Variants in R3HDM1 observed in about 807,000 individuals in gnomAD.
The protein encoded by R3HDM1 is R3H domain containing 1, also known as R3H domain-containing protein 1.
A neutral mutation model predicts 141.1 loss-of-function variants in R3HDM1; 46 were observed. The ratio of observed to expected loss-of-function variants is 0.33; its 90% CI spans 0.26 to 0.42. The LOEUF (loss-of-function observed/expected upper bound fraction) is 0.42, where lower values mean the gene tolerates loss of function less well. R3HDM1 is among the 10% of genes least tolerant of loss of function. R3HDM1 has a pLI of 1.00. For missense variants in R3HDM1, 1,184 were observed against 1,368.3 expected (o/e 0.87, Z 2.12); for synonymous variants, 435 against 472.9 (o/e 0.92, Z 1.04).
intron 21 of R3HDM1, among the ~76,000 whole-genome samples, chr2:135,699,342 TTGTA>T (rs1439591920): frequency 6.6e-6 from 1 of 152,164 alleles, no homozygotes; most frequent in Non-Finnish European, 1.5e-5. Flanking sequence ...ATGCATGTGT[TTGTA>T]TGCTGAAGGG....
At chr2:135,616,530 A>C (rs956600745) in intron 4 of R3HDM1, 138 bp from the exon 5 acceptor site, 2 of 695,374 alleles carry the variant, frequency 2.9e-6, no homozygotes, top group African/African-American at 3.6e-5. Flanking sequence ...GTGTTTAATG[A>C]TATATTTAAC....
intron 19 of R3HDM1, chr2:135,667,768 G>T: frequency 1.0e-6 from 1 of 979,994 alleles, no homozygotes. Context: ...CAGATCATTG[G>T]ATTTTTCTTT....
chr2:135,645,381 C>G lies in R3HDM1; in HGVS notation c.1477C>G (p.Gln493Glu), dbSNP rs2064284471. 6.3e-7 allele frequency: 1 copy of G among 1,593,428 alleles called. No homozygotes were observed. Among genetic ancestry groups the G allele is most frequent in the Non-Finnish European group, 8.6e-7 (1 of 1,167,206 alleles). ...TTCCCTCTTTTTGAATTTTTCAGGT[C>G]AGCCCTTCATAAACCCAGATGGGAG... ...GSILINPQTG[Q>E]PFINPDGSPV... Residue 493 changes from glutamine (Q) to glutamate (E), a missense_variant and splice_region_variant, in exon 16 of 27, where the codon CAG becomes GAG. By Grantham distance (29) the Gln-to-Glu change is conservative. Coordinates refer to ENST00000683871, the MANE Select transcript of R3HDM1 (RefSeq NM_001378107.1).
intron 1 of R3HDM1, among the ~76,000 whole-genome samples, chr2:135,562,606 T>A (rs1702003625): frequency 6.6e-6 from 1 of 152,214 alleles, no homozygotes; most frequent in Admixed American, 6.5e-5. Flanking sequence ...TGAAAAATCT[T>A]ATCTCCTTAA....
chr2:135,578,873 G>A (rs1706122148), intron 1 of R3HDM1, among the ~76,000 whole-genome samples: 1 of 152,140 alleles, frequency 6.6e-6, no homozygotes, highest in Non-Finnish European at 1.5e-5. Context: ...AAGATAGTAG[G>A]CTAGAATTAA....
intron 1 of R3HDM1, among the ~76,000 whole-genome samples, chr2:135,578,413 G>A (rs1186780898): frequency 1.3e-5 from 2 of 152,304 alleles, no homozygotes; most frequent in East Asian, 3.9e-4. Flanking sequence ...GGAGTAATGG[G>A]AATAAGATAG....
intron 3 of R3HDM1, 113 bp downstream of exon 3, chr2:135,605,129 T>TTA: frequency 1.1e-6 from 1 of 913,292 alleles, no homozygotes. Flanking sequence ...TGACCCTTCG[T>TTA]GACATGCTTA....
intron 1 of R3HDM1, among the ~76,000 whole-genome samples, chr2:135,542,498 C>A (rs1412215360): frequency 2.0e-5 from 3 of 152,118 alleles, no homozygotes; most frequent in Non-Finnish European, 2.9e-5. Context: ...GCTGTCCTTT[C>A]ATTTTTTAAC....
rs866440435 is a variant in R3HDM1, at chr2:135,612,271, A to G, written c.172-3881A>G. On this transcript the variant is annotated intron_variant, in intron 3 of 26. Coordinates refer to ENST00000683871, the MANE Select transcript of R3HDM1 (RefSeq NM_001378107.1). ...CTTACAATTGCCACTAATCTTTACT[A>G]TTACCTAGAAAAGTACTGAGAATTC... 2.0e-5 allele frequency among the ~76,000 whole-genome samples: 3 copies of G among 152,200 alleles called. No individual in the cohort carries two copies. The South Asian group carries it at 6.2e-4, about 32-fold the overall frequency.
chr2:135,580,911 C>T (rs1398215171), intron 1 of R3HDM1, among the ~76,000 whole-genome samples: 5 of 152,106 alleles, frequency 3.3e-5, no homozygotes, highest in African/African-American at 9.7e-5. Flanking sequence ...ATTTCTTTCC[C>T]TGGCTAATTC....
chr2:135,536,926 T>A (rs1696254969), intron 1 of R3HDM1: 1 of 158,990 alleles, frequency 6.3e-6, no homozygotes. Flanking sequence ...GAGAATCTAA[T>A]GCCTGATGAT....
chr2:135,664,750 A>G (rs550939108), intron 19 of R3HDM1, among the ~76,000 whole-genome samples: 1 of 152,364 alleles, frequency 6.6e-6, no homozygotes, highest in East Asian at 1.9e-4. Context: ...CTGTTCATTC[A>G]AAACAAGGTT....
intron 1 of R3HDM1, chr2:135,559,100 T>G (rs1701332360): frequency 2.5e-6 from 2 of 787,848 alleles, no homozygotes; most frequent in South Asian, 1.2e-4. Context: ...TGTGCATGCG[T>G]GTGTGTGTGT....
In R3HDM1 at chr2:135,616,044, T is replaced by C. The variant is rs1427824268; in HGVS notation, c.172-108T>C. ...GAAACCAACTTTGATTTCCTCACTT[T>C]TCATACTTTATGCACAGTTAGTTTT... On this transcript the variant is annotated intron_variant, in intron 3 of 26. Coordinates refer to ENST00000683871, the MANE Select transcript of R3HDM1 (RefSeq NM_001378107.1). The C allele has an allele frequency of 2.1e-5, 23 of 1,071,510 alleles. No individual in the cohort carries two copies. In the South Asian group the frequency reaches 3.5e-4, roughly 16 times the overall value. The allele number at this position is 1,071,510 out of a possible 1,614,324, so 66.4% of individuals were successfully genotyped here. A position where few individuals can be genotyped will look rare whatever the true frequency, so the allele number is the denominator to read the frequency against.
At chr2:135,630,272 C>G (rs2062526924) in intron 7 of R3HDM1, among the ~76,000 whole-genome samples, 1 of 112,232 alleles carries the variant, frequency 8.9e-6, no homozygotes, top group African/African-American at 3.8e-5. Context: ...AGCGAAACTC[C>G]TTCTCAACCA....
chr2:135,610,616 C>G (rs1339375351), intron 3 of R3HDM1, among the ~76,000 whole-genome samples: 1 of 152,182 alleles, frequency 6.6e-6, no homozygotes, highest in Non-Finnish European at 1.5e-5. Flanking sequence ...AAGTTCAGAA[C>G]ACAATGCCAC....
intron 19 of R3HDM1, among the ~76,000 whole-genome samples, chr2:135,667,391 G>GT (rs1395041676): frequency 2.9e-5 from 3 of 104,904 alleles, no homozygotes; most frequent in Admixed American, 2.1e-4. Flanking sequence ...GAATGGTAGT[G>GT]TTTTAAAAAA....
At chr2:135,709,652 A>T in intron 22 of R3HDM1, 116 bp downstream of exon 22, 12 of 1,218,772 alleles carry the variant, frequency 9.8e-6, no homozygotes, top group South Asian at 1.4e-5. Flanking sequence ...AAATACACCC[A>T]CAATATTGAG....
chr2:135,622,285 C>T, intron 6 of R3HDM1: 2 of 984,602 alleles, frequency 2.0e-6, no homozygotes, highest in Non-Finnish European at 1.2e-6. Flanking sequence ...TAATTTGCTA[C>T]AAATGTAGTT....
Sources: gnomAD v4.1 joint callset for allele counts (sites outside exome capture counted in the v4.1 genomes callset) on GRCh38, gnomAD v4.1.1 for gene constraint, MANE v1.5 for transcripts, NCBI Gene and HGNC (gene_info 2026-07-23, HGNC 2026-07-21) for gene names.